Variants in TTC6 observed in about 807,000 individuals in gnomAD.
TTC6 encodes tetratricopeptide repeat domain 6.
In TTC6, 172 loss-of-function variants were observed where a neutral mutation model predicts 210.4. The observed-to-expected ratio is 0.82, with a 90% confidence interval of 0.72 to 0.93. TTC6 has a LOEUF of 0.93. Among genes scored for constraint, TTC6 ranks in the 40% least tolerant of loss-of-function variants. The pLI is 0.00. For missense variants in TTC6, 2,414 were observed against 2,318.1 expected, an observed-to-expected ratio of 1.04 and a Z score of -0.85; for synonymous variants, 804 against 819.6, an observed-to-expected ratio of 0.98 and a Z score of 0.32.
At chr14:37,733,102 A>C (rs1436269429) in intron 7 of TTC6, among the ~76,000 whole-genome samples, 1 of 152,186 alleles carries the variant, frequency 6.6e-6, no homozygotes, top group African/African-American at 2.4e-5. Context: ...TAGAATATGC[A>C]TCTTTAACTT....
intron 23 of TTC6, 32 bp from the exon 26 acceptor site, chr14:37,808,701 C>G: frequency 9.1e-7 from 1 of 1,101,312 alleles, no homozygotes; most frequent in Non-Finnish European, 1.3e-6. Context: ...TTATGATTTT[C>G]CTTTCTCACA....
At chr14:37,628,167 C>G (rs2095663564) in intron 1 of TTC6, among the ~76,000 whole-genome samples, 1 of 152,160 alleles carries the variant, frequency 6.6e-6, no homozygotes, top group Non-Finnish European at 1.5e-5. Flanking sequence ...CAGGATTTTA[C>G]CATGTTGGTC....
intron 29 of TTC6, among the ~76,000 whole-genome samples, chr14:37,840,182 C>A (rs1469285836): frequency 6.6e-6 from 1 of 152,182 alleles, no homozygotes; most frequent in African/African-American, 2.4e-5. Context: ...CACAGAAATA[C>A]AAACTACCAT....
At chr14:37,632,258 A>G (rs1267671866) in intron 1 of TTC6, among the ~76,000 whole-genome samples, 1 of 152,092 alleles carries the variant, frequency 6.6e-6, no homozygotes, top group African/African-American at 2.4e-5. Flanking sequence ...GGATTTATCT[A>G]CCTTTGGTCT....
chr14:37,789,741 C>T (rs897234556), intron 15 of TTC6, among the ~76,000 whole-genome samples: 4 of 150,898 alleles, frequency 2.7e-5, no homozygotes, highest in East Asian at 1.9e-4. Context: ...TAAAGAAATC[C>T]CCTAATAATG....
At chr14:37,704,074 A>G (rs1258938352) in intron 5 of TTC6, among the ~76,000 whole-genome samples, 1 of 152,062 alleles carries the variant, frequency 6.6e-6, no homozygotes, top group Non-Finnish European at 1.5e-5. Flanking sequence ...ATTTCATGAT[A>G]TTTACTACTT....
chr14:37,645,256 A>G (rs902848855), intron 1 of TTC6, among the ~76,000 whole-genome samples: 1 of 152,218 alleles, frequency 6.6e-6, no homozygotes, highest in Non-Finnish European at 1.5e-5. Context: ...ATTTAGTAGC[A>G]TGTCAGCAGT....
At chr14:37,797,790 C>T (rs2096096140) in intron 20 of TTC6, among the ~76,000 whole-genome samples, 2 of 151,954 alleles carry the variant, frequency 1.3e-5, no homozygotes, top group East Asian at 3.9e-4. Context: ...TTCCTTTTTC[C>T]ATTTAAGACC....
At chr14:37,657,981 T>C (rs2095728420) in intron 1 of TTC6, among the ~76,000 whole-genome samples, 1 of 152,178 alleles carries the variant, frequency 6.6e-6, no homozygotes, top group Non-Finnish European at 1.5e-5. Flanking sequence ...TTATTTGTCA[T>C]TTACATCAAG....
intron 7 of TTC6, among the ~76,000 whole-genome samples, chr14:37,733,791 T>C (rs1164032377): frequency 6.6e-6 from 1 of 152,164 alleles, no homozygotes; most frequent in African/African-American, 2.4e-5. Context: ...CCATTCTCTA[T>C]TTCATTTTCT....
intron 1 of TTC6, among the ~76,000 whole-genome samples, chr14:37,633,496 G>A (rs2095674124): frequency 6.6e-6 from 1 of 152,140 alleles, no homozygotes; most frequent in Non-Finnish European, 1.5e-5. Context: ...GTGTACCTCA[G>A]TTGGAAATGC....
chr14:37,649,675 T>C (rs1371729671), intron 1 of TTC6, among the ~76,000 whole-genome samples: 1 of 152,174 alleles, frequency 6.6e-6, no homozygotes, highest in Non-Finnish European at 1.5e-5. Flanking sequence ...CAGTGGTCTA[T>C]GTGGGTAGAA....
chr14:37,796,805 C>T (rs779119874), exon 20 of TTC6: 6 of 1,605,186 alleles, frequency 3.7e-6, no homozygotes, highest in African/African-American at 2.7e-5. Flanking sequence ...GAGTTGAGTC[C>T]TATGCAGCAA....
At chr14:37,630,066 T>G (rs1028114426) in intron 1 of TTC6, among the ~76,000 whole-genome samples, 1 of 152,186 alleles carries the variant, frequency 6.6e-6, no homozygotes, top group Non-Finnish European at 1.5e-5. Context: ...GGGTTTTTCG[T>G]GTCTCTGCCT....
upstream of TTC6, among the ~76,000 whole-genome samples, chr14:37,617,605 A>C (rs1000893960): frequency 2.6e-5 from 4 of 152,244 alleles, no homozygotes; most frequent in African/African-American, 9.6e-5. Context: ...TAGCAAAATT[A>C]TTAATATGTT....
intron 7 of TTC6, among the ~76,000 whole-genome samples, chr14:37,732,647 C>A (rs2095890265): frequency 6.6e-6 from 1 of 151,358 alleles, no homozygotes; most frequent in African/African-American, 2.4e-5. Context: ...GAGACGGAGT[C>A]TTGCTCTGTC....
In TTC6 at chr14:37,840,051, G is replaced by A. The variant is rs139592096; in HGVS notation, c.5299-1394G>A. ...TACCATGCCTGGTTACTGTAGCCTT[G>A]TAGTATAGTTTGAAGTCAGGTAGCG... On this transcript the variant is annotated intron_variant, in intron 29 of 30. Coordinates refer to ENST00000553443, the Ensembl canonical transcript of TTC6. 4.6e-3 allele frequency among the ~76,000 whole-genome samples: 705 copies of A among 152,218 alleles called. 4 individuals are homozygous for A. Among genetic ancestry groups the A allele is most frequent in the Middle Eastern group, 0.014 (4 of 292 alleles).
At chr14:37,800,589 T>C (rs1221899866) in intron 20 of TTC6, among the ~76,000 whole-genome samples, 1 of 152,166 alleles carries the variant, frequency 6.6e-6, no homozygotes, top group Non-Finnish European at 1.5e-5. Flanking sequence ...CTAGTTCTTT[T>C]TCCTTTCAAG....
At position 37,682,755 on chromosome 14, in the gene TTC6, C is replaced by G; in HGVS notation, c.1051-3C>G. Reference sequence around the variant, plus strand: ...ATTCTTGCACATTTACTTTTTCCAACAGAGCGTGCATAAGGAACTTTCTGA... The same window carrying G: ...ATTCTTGCACATTTACTTTTTCCAAGAGAGCGTGCATAAGGAACTTTCTGA... On this transcript the variant is annotated splice_region_variant and splice_polypyrimidine_tract_variant and intron_variant, in intron 2 of 30. Transcript: ENST00000553443. 6.5e-7 allele frequency: 1 copy of G among 1,534,596 alleles called. No individual in the cohort carries two copies. Among genetic ancestry groups the G allele is most frequent in the South Asian group, 1.2e-5 (1 of 83,818 alleles).
Sources: gnomAD v4.1 joint callset for allele counts (sites outside exome capture counted in the v4.1 genomes callset) on GRCh38, gnomAD v4.1.1 for gene constraint, MANE v1.5 for transcripts, NCBI Gene and HGNC (gene_info 2026-07-23, HGNC 2026-07-21) for gene names.